Variants in IGF2BP2 observed in about 807,000 individuals in gnomAD.
The protein encoded by IGF2BP2 is insulin-like growth factor 2 mRNA-binding protein 2.
In IGF2BP2, 17 loss-of-function variants were observed where a neutral mutation model predicts 75.8. The ratio of observed to expected loss-of-function variants is 0.22; its 90% CI spans 0.15 to 0.34. The LOEUF (loss-of-function observed/expected upper bound fraction) is 0.34, where lower values mean the gene tolerates loss of function less well. Ranked by LOEUF, IGF2BP2 falls within the 10% of genes least tolerant of loss-of-function variation. IGF2BP2 has a pLI of 1.00. For missense variants in IGF2BP2, 516 were observed against 772.4 expected (o/e 0.67, Z 3.93); for synonymous variants, 288 against 295.6 (o/e 0.97, Z 0.26).
intron 2 of IGF2BP2, among the ~76,000 whole-genome samples, chr3:185,801,576 G>A (rs1738281055): frequency 6.6e-6 from 1 of 152,006 alleles, no homozygotes; most frequent in African/African-American, 2.4e-5. Flanking sequence ...TGTTGGGAGT[G>A]CAAATTAGTT....
At chr3:185,655,109 T>A (rs887941431) in intron 12 of IGF2BP2, among the ~76,000 whole-genome samples, 1 of 152,192 alleles carries the variant, frequency 6.6e-6, no homozygotes, top group Non-Finnish European at 1.5e-5. Context: ...ACAAAGGGAA[T>A]CTAGCAAAAA....
chr3:185,658,579 C>T (rs1182896161), intron 10 of IGF2BP2, among the ~76,000 whole-genome samples, 170 bp from the exon 11 acceptor site: 1 of 152,212 alleles, frequency 6.6e-6, no homozygotes, highest in Non-Finnish European at 1.5e-5. Context: ...TCCACTTCTC[C>T]CACTCAGACC....
At chr3:185,688,057 C>T (rs774632299) in intron 6 of IGF2BP2, among the ~76,000 whole-genome samples, 11 of 152,038 alleles carry the variant, frequency 7.2e-5, no homozygotes, top group Non-Finnish European at 1.5e-4. Flanking sequence ...CAGTAACTTC[C>T]CTCTCTATTT....
intron 7 of IGF2BP2, among the ~76,000 whole-genome samples, chr3:185,683,236 G>C (rs1432963131): frequency 6.6e-6 from 1 of 152,170 alleles, no homozygotes; most frequent in Non-Finnish European, 1.5e-5. Context: ...ATGTAGAGTA[G>C]TCAAATTCAT....
chr3:185,716,447 CAAAG>C (rs1319207227), intron 2 of IGF2BP2: 1 of 513,104 alleles, frequency 1.9e-6, no homozygotes, highest in Non-Finnish European at 3.9e-6. Context: ...TCAGCAGAAA[CAAAG>C]AAAATCTCAG....
intron 2 of IGF2BP2, among the ~76,000 whole-genome samples, chr3:185,745,825 G>A (rs965711774): frequency 4.6e-5 from 7 of 152,062 alleles, no homozygotes; most frequent in Non-Finnish European, 1.5e-5. Context: ...TTCGTATTGT[G>A]AATGCCACTG....
intron 2 of IGF2BP2, among the ~76,000 whole-genome samples, chr3:185,755,914 C>T (rs1046031555): frequency 5.3e-5 from 8 of 152,086 alleles, no homozygotes; most frequent in Non-Finnish European, 7.4e-5. Flanking sequence ...CTAGAACAAG[C>T]GTTTTGGAGA....
intron 2 of IGF2BP2, among the ~76,000 whole-genome samples, chr3:185,723,960 G>C (rs923819360): frequency 1.1e-4 from 16 of 152,172 alleles, no homozygotes; most frequent in African/African-American, 3.9e-4. Flanking sequence ...GTTCGGTCTG[G>C]GCAATCCCAG....
chr3:185,719,250 T>C (rs1025110677), intron 2 of IGF2BP2, among the ~76,000 whole-genome samples: 2 of 152,096 alleles, frequency 1.3e-5, no homozygotes, highest in Admixed American at 6.5e-5. Context: ...TTCCAGTTAT[T>C]TGTGAGATAA....
At chr3:185,666,025 G>C (rs1427906002) in intron 10 of IGF2BP2, among the ~76,000 whole-genome samples, 1 of 151,532 alleles carries the variant, frequency 6.6e-6, no homozygotes, top group Non-Finnish European at 1.5e-5. Flanking sequence ...TAGATAGATA[G>C]ATAGATAGAT....
At chr3:185,677,050 T>TATATATGGAG (rs1719581747) in intron 7 of IGF2BP2, among the ~76,000 whole-genome samples, 1 of 47,978 alleles carries the variant, frequency 2.1e-5, no homozygotes, top group African/African-American at 9.3e-5. Context: ...TGGAGATATA[T>TATATATGGAG]ATATATATAT....
At chr3:185,756,694 C>G (rs1197328027) in intron 2 of IGF2BP2, among the ~76,000 whole-genome samples, 1 of 152,178 alleles carries the variant, frequency 6.6e-6, no homozygotes, top group Non-Finnish European at 1.5e-5. Context: ...CAGGAGGTGG[C>G]CGGGCGTGGT....
At chr3:185,748,887 G>A (rs1371792882) in intron 2 of IGF2BP2, among the ~76,000 whole-genome samples, 1 of 152,242 alleles carries the variant, frequency 6.6e-6, no homozygotes, top group Non-Finnish European at 1.5e-5. Flanking sequence ...TTCTTGGCTG[G>A]ACGCAGTGGC....
chr3:185,651,876 G>C (rs551113415), intron 13 of IGF2BP2, among the ~76,000 whole-genome samples: 1 of 152,300 alleles, frequency 6.6e-6, no homozygotes, highest in East Asian at 1.9e-4. Flanking sequence ...ACCAACAGAT[G>C]ATCTACTTTT....
At chr3:185,694,721 T>C (rs1560308000) in intron 4 of IGF2BP2, among the ~76,000 whole-genome samples, 1 of 152,190 alleles carries the variant, frequency 6.6e-6, no homozygotes, top group African/African-American at 2.4e-5. Flanking sequence ...GTTTATAATA[T>C]AATCTTAACT....
intron 7 of IGF2BP2, among the ~76,000 whole-genome samples, chr3:185,681,101 G>C (rs1223988687): frequency 6.6e-6 from 1 of 151,748 alleles, no homozygotes; most frequent in African/African-American, 2.4e-5. Flanking sequence ...GAGCAATTAG[G>C]TACAAAAAAG....
intron 2 of IGF2BP2, among the ~76,000 whole-genome samples, chr3:185,759,735 A>C (rs1477612721): frequency 6.6e-6 from 1 of 152,240 alleles, no homozygotes; most frequent in Non-Finnish European, 1.5e-5. Flanking sequence ...AGTCGCCCAT[A>C]AATCAGCCAA....
rs111351227 is a variant in IGF2BP2 at position 185,645,906 on chromosome 3, C to T, written c.1708-283G>A. 4.4e-4 allele frequency among the ~76,000 whole-genome samples: 67 copies of T among 152,236 alleles called. No homozygotes were observed. Among genetic ancestry groups the T allele is most frequent in the Middle Eastern group, 3.4e-3 (1 of 294 alleles). Reference sequence around the variant, plus strand: ...GACAGGCCAGGAAGCAGAAGCAGGGCGCCAGCAACTGGGGGCCGTGCAGAG... The same window carrying T: ...GACAGGCCAGGAAGCAGAAGCAGGGTGCCAGCAACTGGGGGCCGTGCAGAG... On this transcript the variant is annotated intron_variant, in intron 15 of 15. Coordinates refer to ENST00000382199, the MANE Select transcript of IGF2BP2 (RefSeq NM_006548.6). The surrounding 1 kb of genome is among the most constrained non-coding windows in gnomAD (Gnocchi z 4.9).
At chr3:185,743,399 C>T (rs1316859039) in intron 2 of IGF2BP2, among the ~76,000 whole-genome samples, 1 of 152,142 alleles carries the variant, frequency 6.6e-6, no homozygotes, top group Non-Finnish European at 1.5e-5. Context: ...TTTCAGCCTC[C>T]AGACCAGCTG....
Sources: allele counts gnomAD v4.1 joint callset (sites outside exome capture counted in the v4.1 genomes callset), GRCh38; gene constraint gnomAD v4.1.1; non-coding constraint Gnocchi (gnomAD v3.1); transcripts MANE v1.5; gene names NCBI Gene and HGNC (gene_info 2026-07-23, HGNC 2026-07-21).